Variants in SLC52A3 observed in about 807,000 individuals in gnomAD.
SLC52A3 encodes solute carrier family 52, riboflavin transporter, member 3.
SLC52A3 carries 20 observed loss-of-function variants against 29.5 expected under a neutral mutation model. That is an observed-to-expected ratio of 0.68 (90% confidence interval 0.48 to 0.99). The LOEUF is 0.99. Ranked by LOEUF, SLC52A3 falls within the 50% of genes least tolerant of loss-of-function variation. The pLI, the probability that SLC52A3 is intolerant of heterozygous loss-of-function variation, is 0.00. For synonymous variants in SLC52A3, 301 were observed against 271.0 expected (o/e 1.11, Z -1.09); for missense variants, 548 against 612.9 (o/e 0.89, Z 1.12).
At position 765,993 on chromosome 20, in the gene SLC52A3, A is replaced by G. The variant is rs570561261; in HGVS notation, c.-51-168T>C. ...ACTCTTTTAGTCCAGGCTGGAGTGC[A>G]ATGGGATGATCTCGGCTCAGTGACC... On this transcript the variant is annotated intron_variant, in intron 1 of 4. Coordinates refer to ENST00000645534, the MANE Select transcript of SLC52A3 (RefSeq NM_033409.4). The surrounding 1 kb of genome is among the most constrained non-coding windows in gnomAD (Gnocchi z 6.6). The G allele has an allele frequency of 1.7e-6, 1 of 580,088 alleles. No homozygotes were observed. Among genetic ancestry groups the G allele is most frequent in the Middle Eastern group, 4.6e-4 (1 of 2,184 alleles). 35.9% of individuals were successfully genotyped at this position (580,088 alleles called of 1,614,324 possible). A position where few individuals can be genotyped will look rare whatever the true frequency, so the allele number is the denominator to read the frequency against.
chr20:771,671 A>AAAG (rs1340732892), upstream of SLC52A3, among the ~76,000 whole-genome samples: 1 of 100,174 alleles, frequency 1.0e-5, no homozygotes, highest in African/African-American at 3.1e-5. Flanking sequence ...AGAGATATGA[A>AAAG]AAAAAAAAAA....
At chr20:777,272 C>CAAACA (rs1555785013), upstream of SLC52A3, among the ~76,000 whole-genome samples, 1,158 of 148,008 alleles carry the variant, frequency 7.8e-3, 17 homozygotes, top group African/African-American at 0.027. Flanking sequence ...AAACAAAAAA[C>CAAACA]AAAAAAAAAA....
upstream of SLC52A3, among the ~76,000 whole-genome samples, chr20:772,583 TTC>T (rs1280737195): frequency 3.4e-5 from 3 of 87,312 alleles, no homozygotes; most frequent in Non-Finnish European, 8.1e-5. Context: ...TATCTGTATT[TTC>T]TGTTTTTTTT....
chr20:761,147 A>C lies in SLC52A3; in HGVS notation c.1289T>G (p.Leu430Trp). The C allele has an allele frequency of 6.3e-7, 1 of 1,588,980 alleles. No individual in the cohort carries two copies. The highest frequency in any genetic ancestry group is 8.6e-7 in the Non-Finnish European group (1 of 1,168,964). Residue 430 changes from leucine (L) to tryptophan (W), a missense_variant, in exon 5 of 5, where the codon TTG becomes TGG. Leu to Trp is a moderately conservative substitution (Grantham distance 61). Around this residue, in one of 2 missense-constraint regions of SLC52A3, gnomAD observed 173 missense variants for 141.8 expected, o/e 1.22. Coordinates refer to ENST00000645534, the MANE Select transcript of SLC52A3 (RefSeq NM_033409.4). ...CAGCTGCACCGCCGCCCCGCACCAC[A>C]AGAGGGCGCTGCGGCTGAGGTCGCG... ...VLRDLSRSAL[L>W]WCGAAVQLGS...
intron 4 of SLC52A3, 185 bp downstream of exon 4, chr20:761,516 A>T: frequency 1.1e-6 from 1 of 874,460 alleles, no homozygotes; most frequent in Non-Finnish European, 1.8e-6. Context: ...GAAGAGGCCT[A>T]CCAGTCACCT....
At chr20:773,925 T>C (rs972203274) in intron 1 of SLC52A3, among the ~76,000 whole-genome samples, 1 of 141,568 alleles carries the variant, frequency 7.1e-6, no homozygotes, top group Non-Finnish European at 1.6e-5. Flanking sequence ...TCCCACCCAA[T>C]GTCCCCCGCC....
At chr20:768,069 T>C (rs570441553) in intron 1 of SLC52A3, among the ~76,000 whole-genome samples, 2 of 152,296 alleles carry the variant, frequency 1.3e-5, no homozygotes, top group South Asian at 2.1e-4. Flanking sequence ...GGGATAGTGA[T>C]AGTATGAACT....
chr20:762,289 G>A (rs973990425), intron 3 of SLC52A3, among the ~76,000 whole-genome samples: 7 of 152,310 alleles, frequency 4.6e-5, no homozygotes, highest in Middle Eastern at 3.4e-3. Flanking sequence ...GGCTGGATCG[G>A]GCATTGGCAC....
chr20:761,446 G>A, intron 4 of SLC52A3: 2 of 746,710 alleles, frequency 2.7e-6, no homozygotes, highest in Non-Finnish European at 4.3e-6. Flanking sequence ...CTGGGTTCAC[G>A]TGCCCATGAT....
chr20:772,999 G>C (rs188211334), upstream of SLC52A3, among the ~76,000 whole-genome samples: 1 of 152,236 alleles, frequency 6.6e-6, no homozygotes, highest in Non-Finnish European at 1.5e-5. Flanking sequence ...CCGCAGCAGC[G>C]GGAGCCAGGT....
At chr20:769,883 C>T (rs867439997), upstream of SLC52A3, among the ~76,000 whole-genome samples, 11 of 151,870 alleles carry the variant, frequency 7.2e-5, no homozygotes, top group South Asian at 6.2e-4. Context: ...GGCAACAGAG[C>T]GAGACTCCAT....
At chr20:772,068 A>G (rs545345627), upstream of SLC52A3, among the ~76,000 whole-genome samples, 2 of 152,366 alleles carry the variant, frequency 1.3e-5, no homozygotes, top group South Asian at 2.1e-4. Flanking sequence ...AAAAGCTATT[A>G]AACTAATGAG....
At chr20:768,744 C>A (rs1179047565), upstream of SLC52A3, 1 of 152,348 alleles carries the variant, frequency 6.6e-6, no homozygotes, top group Non-Finnish European at 1.5e-5. Context: ...CTGGGGGCCT[C>A]AGACTCCATT....
intron 3 of SLC52A3, among the ~76,000 whole-genome samples, chr20:762,300 A>G (rs1255365720): frequency 9.2e-5 from 14 of 152,244 alleles, no homozygotes; most frequent in African/African-American, 3.4e-4. Context: ...GCATTGGCAC[A>G]GTAGGGTTTG....
upstream of SLC52A3, among the ~76,000 whole-genome samples, chr20:773,013 A>C (rs1315084060): frequency 1.3e-5 from 2 of 152,190 alleles, no homozygotes; most frequent in Admixed American, 1.3e-4. Context: ...GCCAGGTTGG[A>C]GGGGAGGAGA....
chr20:773,316 C>T (rs1986904926), upstream of SLC52A3, among the ~76,000 whole-genome samples: 1 of 152,184 alleles, frequency 6.6e-6, no homozygotes, highest in South Asian at 2.1e-4. Flanking sequence ...AACACATTAC[C>T]TGTCAAATCT....
rs930901936 is a variant in SLC52A3 at position 760,552 on chromosome 20, G to A, written c.*474C>T. 4 of 174,112 alleles carry A rather than the reference G, an allele frequency of 2.3e-5. No homozygotes were observed. The East Asian group carries it at 4.5e-4, about 19-fold the overall frequency. 10.8% of individuals were successfully genotyped at this position (174,112 alleles called of 1,614,324 possible). On this transcript the variant is annotated 3_prime_UTR_variant, in exon 5 of 5. Coordinates refer to ENST00000645534, the MANE Select transcript of SLC52A3 (RefSeq NM_033409.4). This position sits in a 1 kb window ranked among gnomAD's most constrained non-coding sequence, Gnocchi z 4.9. ...CGATGGACTGTCAGATCAGCAGGTG[G>A]CCCAGGAGGGCTTGCTTGATGCGGG...
At chr20:764,848 C>T (rs1233490492) in intron 2 of SLC52A3, among the ~76,000 whole-genome samples, 17 of 152,134 alleles carry the variant, frequency 1.1e-4, no homozygotes, top group Admixed American at 2.0e-4. Context: ...CTTTATCACC[C>T]GAGGAACTTT....
chr20:767,772 A>G (rs1282549140), intron 1 of SLC52A3, among the ~76,000 whole-genome samples: 11 of 152,108 alleles, frequency 7.2e-5, no homozygotes, highest in African/African-American at 1.2e-4. Context: ...TTCCTCCTGA[A>G]ATTATATCAC....
Sources: allele counts gnomAD v4.1 joint callset (sites outside exome capture counted in the v4.1 genomes callset), GRCh38; gene constraint gnomAD v4.1.1; regional missense constraint gnomAD v4.1.1; non-coding constraint Gnocchi (gnomAD v3.1); transcripts MANE v1.5; gene names NCBI Gene and HGNC (gene_info 2026-07-23, HGNC 2026-07-21).